The following COA1 variants were observed in gnomAD, a reference collection of about 807,000 sequenced individuals.
COA1 encodes the protein cytochrome c oxidase assembly factor 1 homolog.
In COA1, 13 loss-of-function variants were observed where a neutral mutation model predicts 16.0. The ratio of observed to expected loss-of-function variants is 0.81; its 90% CI spans 0.53 to 1.29. COA1 has a LOEUF of 1.29. COA1 is among the 50% of genes most tolerant of loss of function. The pLI is 0.00. For missense variants in COA1, 179 were observed against 177.0 expected, an observed-to-expected ratio of 1.01 and a Z score of -0.06; for synonymous variants, 65 against 65.7, an observed-to-expected ratio of 0.99 and a Z score of 0.05.
At chr7:43,617,011 A>C (rs2152997781) in intron 6 of COA1, among the ~76,000 whole-genome samples, 1 of 152,342 alleles carries the variant, frequency 6.6e-6, no homozygotes, top group Admixed American at 6.5e-5. Context: ...CACCAAGTTG[A>C]GACTAGGCAA....
chr7:43,710,396 T>TATATATATATA (rs1210512835), intron 1 of COA1, among the ~76,000 whole-genome samples: 62 of 97,458 alleles, frequency 6.4e-4, no homozygotes, highest in Non-Finnish European at 1.2e-3. Context: ...ATATATATAT[T>TATATATATATA]TTTAAGATAT....
At chr7:43,643,614 G>A (rs1003291353) in intron 4 of COA1, among the ~76,000 whole-genome samples, 3 of 152,116 alleles carry the variant, frequency 2.0e-5, no homozygotes, top group African/African-American at 4.8e-5. Context: ...TGACCCACCC[G>A]CTCCTGATAC....
downstream of COA1, among the ~76,000 whole-genome samples, chr7:43,636,302 A>G (rs975326777): frequency 4.0e-4 from 61 of 152,114 alleles, no homozygotes; most frequent in African/African-American, 1.4e-3. Flanking sequence ...TGGAGACTGG[A>G]GGTTTTCCTA....
At chr7:43,658,013 T>C (rs1200199461) in intron 1 of COA1, among the ~76,000 whole-genome samples, 1 of 151,940 alleles carries the variant, frequency 6.6e-6, no homozygotes, top group Non-Finnish European at 1.5e-5. Flanking sequence ...AGACAGAGTA[T>C]GACTCTGTGT....
intron 1 of COA1, among the ~76,000 whole-genome samples, chr7:43,705,505 G>A (rs143527341): frequency 1.2e-3 from 181 of 152,338 alleles, no homozygotes; most frequent in African/African-American, 4.2e-3. Context: ...CAGCCAGGCA[G>A]GGAGGGACCC....
intron 5 of COA1, among the ~76,000 whole-genome samples, chr7:43,640,361 G>A (rs574611801): frequency 6.6e-6 from 1 of 152,334 alleles, no homozygotes; most frequent in East Asian, 1.9e-4. Flanking sequence ...ATAAGGAGAG[G>A]GCAATTCAGT....
chr7:43,694,305 G>A (rs567943661), intron 1 of COA1, among the ~76,000 whole-genome samples: 2 of 148,936 alleles, frequency 1.3e-5, no homozygotes, highest in South Asian at 4.3e-4. Flanking sequence ...CTTCAGCAAT[G>A]GTCCCATTTC....
At chr7:43,691,349 G>A (rs2094318762) in intron 1 of COA1, among the ~76,000 whole-genome samples, 2 of 8,802 alleles carry the variant, frequency 2.3e-4, no homozygotes, top group East Asian at 2.5e-3. Context: ...GAGAGGGAGG[G>A]AGGGAGGGAG....
At chr7:43,652,831 T>A (rs932455783) in intron 1 of COA1, among the ~76,000 whole-genome samples, 2 of 133,748 alleles carry the variant, frequency 1.5e-5, no homozygotes, top group African/African-American at 5.5e-5. Flanking sequence ...GGGGATTACA[T>A]ATCATCCAGC....
intron 1 of COA1, among the ~76,000 whole-genome samples, chr7:43,687,406 T>C (rs923485116): frequency 1.3e-5 from 2 of 152,166 alleles, no homozygotes; most frequent in African/African-American, 4.8e-5. Context: ...AAATCCACCA[T>C]ATTTGTCCTG....
chr7:43,720,516 T>C (rs2095485576), intron 1 of COA1, among the ~76,000 whole-genome samples: 1 of 152,186 alleles, frequency 6.6e-6, no homozygotes, highest in African/African-American at 2.4e-5. Flanking sequence ...GATCAGATTT[T>C]ACATTTTTTA....
chr7:43,667,800 C>T lies in COA1; in HGVS notation c.-38-19148G>A, dbSNP rs113368111. Among the ~76,000 whole-genome samples the T allele has an allele frequency of 9.2e-3, 1,399 of 152,252 alleles. 19 individuals are homozygous for T. The highest frequency in any genetic ancestry group is 0.031 in the African/African-American group (1,304 of 41,546). On this transcript the variant is annotated intron_variant, in intron 1 of 5. Coordinates refer to ENST00000223336, the MANE Select transcript of COA1 (RefSeq NM_018224.4). ...AAGTTAAAGCCACCTTTTTGACTTTCGCTTGCAATATTGCTGATCCTTGTT... is the reference window on the plus strand; with the variant it reads ...AAGTTAAAGCCACCTTTTTGACTTTTGCTTGCAATATTGCTGATCCTTGTT...
chr7:43,687,222 T>C (rs909363385), intron 1 of COA1, among the ~76,000 whole-genome samples: 1 of 152,226 alleles, frequency 6.6e-6, no homozygotes, highest in Non-Finnish European at 1.5e-5. Context: ...AACGATTTCA[T>C]GGTTCATTCA....
chr7:43,625,345 A>G (rs1472874235), intron 6 of COA1: 5 of 152,610 alleles, frequency 3.3e-5, no homozygotes, highest in African/African-American at 7.2e-5. Context: ...AACATTCACT[A>G]AAGTTTGATA....
At chr7:43,685,246 T>C (rs1287838294) in intron 1 of COA1, among the ~76,000 whole-genome samples, 1 of 151,662 alleles carries the variant, frequency 6.6e-6, no homozygotes, top group African/African-American at 2.4e-5. Flanking sequence ...GCAAATTCCA[T>C]CACAAAAATC....
intron 1 of COA1, among the ~76,000 whole-genome samples, chr7:43,659,532 T>C (rs933539238): frequency 2.0e-5 from 3 of 152,192 alleles, no homozygotes; most frequent in African/African-American, 7.2e-5. Context: ...ATTTTGCAAA[T>C]GAATATGAGT....
chr7:43,721,487 A>T (rs532613676), intron 1 of COA1, among the ~76,000 whole-genome samples: 158 of 152,312 alleles, frequency 1.0e-3, no homozygotes, highest in Non-Finnish European at 1.9e-3. Flanking sequence ...CTCAAAAAAA[A>T]ATGAAGAGAC....
At chr7:43,640,696 T>C (rs1233639073) in intron 4 of COA1, 47 bp from the exon 5 acceptor site, 2 of 1,349,630 alleles carry the variant, frequency 1.5e-6, no homozygotes, top group Non-Finnish European at 2.1e-6. Context: ...TGGATAATTA[T>C]TGTCATTTCA....
chr7:43,729,303 T>C (rs1384029073), intron 1 of COA1, 126 bp downstream of exon 1: 1 of 152,258 alleles, frequency 6.6e-6, no homozygotes, highest in East Asian at 1.9e-4. Context: ...ACCTCCGCGA[T>C]GTGACCCGTG....
Sources: gnomAD v4.1 joint callset for allele counts (sites outside exome capture counted in the v4.1 genomes callset) on GRCh38, gnomAD v4.1.1 for gene constraint, MANE v1.5 for transcripts, NCBI Gene and HGNC (gene_info 2026-07-23, HGNC 2026-07-21) for gene names.